The following DLG2 variants were observed in gnomAD, a reference collection of about 807,000 sequenced individuals.
DLG2 encodes discs large MAGUK scaffold protein 2.
In DLG2, 45 loss-of-function variants were observed where a neutral mutation model predicts 132.5. The observed-to-expected ratio is 0.34, with a 90% CI of 0.27 to 0.44. The LOEUF (loss-of-function observed/expected upper bound fraction) is 0.44. Among genes scored for constraint, DLG2 ranks in the 20% least tolerant of loss-of-function variants. DLG2 has a pLI of 1.00. For missense variants in DLG2, 1,045 were observed against 1,196.9 expected (o/e 0.87, Z 1.87); for synonymous variants, 424 against 419.6 (o/e 1.01, Z -0.13).
chr11:84,786,221 T>C (rs1361015087), intron 6 of DLG2, among the ~76,000 whole-genome samples: 1 of 152,146 alleles, frequency 6.6e-6, no homozygotes, highest in African/African-American at 2.4e-5. Context: ...GAACAAGTGA[T>C]ATAAACTGTA....
intron 6 of DLG2, among the ~76,000 whole-genome samples, chr11:85,048,589 A>G (rs768163302): frequency 2.6e-5 from 4 of 152,044 alleles, no homozygotes; most frequent in Non-Finnish European, 5.9e-5. Flanking sequence ...GACACTATCA[A>G]TTGGACACTA....
In DLG2 at chr11:84,397,429, C is replaced by T. The variant is rs137993762; in HGVS notation, c.519+137141G>A. On this transcript the variant is annotated intron_variant, in intron 7 of 27. Coordinates refer to ENST00000376104, the MANE Select transcript of DLG2 (RefSeq NM_001142699.3). ...CCCACAGATGATGAATTCTCTTAGC[C>T]TTGTTTGCAGTTATTTTGGCACCAT... 7.9e-5 allele frequency among the ~76,000 whole-genome samples: 12 copies of T among 152,326 alleles called. No homozygotes were observed. The East Asian group carries it at 2.1e-3, about 27-fold the overall frequency.
chr11:84,344,812 A>C (rs112064985), intron 7 of DLG2, among the ~76,000 whole-genome samples: 2,316 of 152,314 alleles, frequency 0.015, 24 homozygotes, highest in Middle Eastern at 0.048. Flanking sequence ...CTGAACCCTC[A>C]TCAGAAAGGC....
Position 83,633,338 on chromosome 11 carries a change from A to G in DLG2, c.1826-13T>C. 1 of 1,610,618 alleles carries G rather than the reference A, an allele frequency of 6.2e-7. No homozygotes were observed. The highest frequency in any genetic ancestry group is 2.2e-5 in the East Asian group (1 of 44,760). ...AATCGAGCGTAATCTGGGAATGAAAACAAAGGTAGCAAATTTTGCTCTGTG... is the reference window on the plus strand; with the variant it reads ...AATCGAGCGTAATCTGGGAATGAAAGCAAAGGTAGCAAATTTTGCTCTGTG... On this transcript the variant is annotated splice_polypyrimidine_tract_variant and intron_variant, in intron 18 of 27. Coordinates refer to ENST00000376104, the MANE Select transcript of DLG2 (RefSeq NM_001142699.3).
chr11:84,524,542 G>T (rs2099314276), intron 7 of DLG2, among the ~76,000 whole-genome samples: 1 of 152,210 alleles, frequency 6.6e-6, no homozygotes, highest in Non-Finnish European at 1.5e-5. Flanking sequence ...ACAAATCTCT[G>T]CCAAACCTTT....
chr11:83,907,703 T>G (rs1288870756), intron 15 of DLG2, among the ~76,000 whole-genome samples: 1 of 152,176 alleles, frequency 6.6e-6, no homozygotes, highest in African/African-American at 2.4e-5. Context: ...TATTAATTCT[T>G]TCTGACACTA....
rs148577780 is a variant in DLG2, at chr11:83,883,749, T to C, written c.1497-9261A>G. Among the ~76,000 whole-genome samples the C allele has an allele frequency of 2.2e-3, 330 of 149,160 alleles. 3 individuals carry two copies. The highest frequency in any genetic ancestry group is 7.9e-3 in the African/African-American group (322 of 40,550). ...ATCATTCTTCTAGGCTTTTGTAGTA[T>C]AAAAGCTGCATCTCAGAAAGCAATA... On this transcript the variant is annotated intron_variant, in intron 15 of 27. Coordinates refer to ENST00000376104, the MANE Select transcript of DLG2 (RefSeq NM_001142699.3).
chr11:84,746,270 A>C (rs2065349324), intron 6 of DLG2, among the ~76,000 whole-genome samples: 1 of 152,018 alleles, frequency 6.6e-6, no homozygotes, highest in Non-Finnish European at 1.5e-5. Context: ...AAAAAAGAAA[A>C]GAAAAGATCA....
intron 11 of DLG2, among the ~76,000 whole-genome samples, chr11:84,038,782 G>C (rs1038938566): frequency 6.6e-6 from 1 of 152,050 alleles, no homozygotes; most frequent in Non-Finnish European, 1.5e-5. Context: ...GCATGGCTTG[G>C]AAGGCCTCAG....
intron 7 of DLG2, among the ~76,000 whole-genome samples, chr11:84,337,323 T>C (rs1049405997): frequency 1.3e-5 from 2 of 152,184 alleles, no homozygotes; most frequent in African/African-American, 4.8e-5. Context: ...AGCTCAATAG[T>C]GTACACTCAA....
At chr11:84,807,673 T>C (rs2076149396) in intron 6 of DLG2, among the ~76,000 whole-genome samples, 3 of 152,134 alleles carry the variant, frequency 2.0e-5, no homozygotes, top group Admixed American at 6.5e-5. Flanking sequence ...GTGTATCAGG[T>C]AAATATCAAT....
At chr11:85,607,285 G>A (rs2080637812) in intron 2 of DLG2, among the ~76,000 whole-genome samples, 1 of 152,294 alleles carries the variant, frequency 6.6e-6, no homozygotes, top group East Asian at 1.9e-4. Context: ...GGGAGCATTG[G>A]TTTGCCTGGA....
At chr11:84,440,854 T>C (rs1024058916) in intron 7 of DLG2, among the ~76,000 whole-genome samples, 2 of 152,128 alleles carry the variant, frequency 1.3e-5, no homozygotes, top group African/African-American at 4.8e-5. Context: ...CTATCATACA[T>C]TTTCTGCCTA....
intron 7 of DLG2, among the ~76,000 whole-genome samples, chr11:84,514,664 G>C (rs2099267171): frequency 6.6e-6 from 1 of 151,896 alleles, no homozygotes; most frequent in Non-Finnish European, 1.5e-5. Flanking sequence ...AAGGTAGTTG[G>C]GGCAGGGGTG....
At chr11:85,290,196 A>T (rs2078807274) in intron 3 of DLG2, among the ~76,000 whole-genome samples, 1 of 152,150 alleles carries the variant, frequency 6.6e-6, no homozygotes, top group Non-Finnish European at 1.5e-5. Context: ...TATTGTTTAG[A>T]TTACATTTTT....
At chr11:84,634,874 T>TA (rs1367841313) in intron 6 of DLG2, among the ~76,000 whole-genome samples, 2 of 152,098 alleles carry the variant, frequency 1.3e-5, no homozygotes, top group African/African-American at 4.8e-5. Flanking sequence ...ACAAGCCTTT[T>TA]AAAAAAGTAG....
At chr11:85,008,650 A>G (rs2058901613) in intron 6 of DLG2, among the ~76,000 whole-genome samples, 1 of 152,078 alleles carries the variant, frequency 6.6e-6, no homozygotes, top group African/African-American at 2.4e-5. Context: ...TAGTTTAACT[A>G]TATATAACCT....
At chr11:84,001,049 C>A (rs1013853642) in intron 11 of DLG2, among the ~76,000 whole-genome samples, 5 of 151,812 alleles carry the variant, frequency 3.3e-5, no homozygotes, top group Non-Finnish European at 7.4e-5. Context: ...TACAGAACAA[C>A]CAAAACACAA....
chr11:85,363,965 G>A (rs1302967007), intron 3 of DLG2, among the ~76,000 whole-genome samples: 1 of 152,134 alleles, frequency 6.6e-6, no homozygotes, highest in African/African-American at 2.4e-5. Flanking sequence ...GTCTTTTCCA[G>A]TCTTAAAACA....
Sources: allele counts gnomAD v4.1 joint callset (sites outside exome capture counted in the v4.1 genomes callset), GRCh38; gene constraint gnomAD v4.1.1; transcripts MANE v1.5; gene names NCBI Gene and HGNC (gene_info 2026-07-23, HGNC 2026-07-21).